PTPRO: variants seen among roughly 807,000 people sequenced by gnomAD.
PTPRO encodes protein tyrosine phosphatase receptor type O.
Under a neutral mutation model 145.2 loss-of-function variants are expected in PTPRO, and 62 were observed. The ratio of observed to expected loss-of-function variants is 0.43; its 90% CI spans 0.35 to 0.53. The LOEUF is 0.53. Among genes scored for constraint, PTPRO ranks in the 20% least tolerant of loss-of-function variants. PTPRO has a pLI of 0.01. For missense variants in PTPRO, 1,345 were observed against 1,482.7 expected, an observed-to-expected ratio of 0.91 and a Z score of 1.53; for synonymous variants, 565 against 514.7, an observed-to-expected ratio of 1.10 and a Z score of -1.32.
At chr12:15,413,351 G>C (rs1278889843) in intron 1 of PTPRO, among the ~76,000 whole-genome samples, 1 of 152,122 alleles carries the variant, frequency 6.6e-6, no homozygotes. Flanking sequence ...ACCCACCTGG[G>C]TTTCTCAAAG....
chr12:15,409,894 G>T (rs918644742), intron 1 of PTPRO, among the ~76,000 whole-genome samples: 1 of 152,182 alleles, frequency 6.6e-6, no homozygotes, highest in Non-Finnish European at 1.5e-5. Context: ...CAGCATTGGG[G>T]ATTACATTTC....
At chr12:15,402,886 T>A (rs918296205) in intron 1 of PTPRO, among the ~76,000 whole-genome samples, 2 of 152,046 alleles carry the variant, frequency 1.3e-5, no homozygotes, top group Non-Finnish European at 2.9e-5. Context: ...TACATAAAAC[T>A]AAAAAGAACC....
chr12:15,591,521 C>T (rs1394386444), intron 25 of PTPRO, among the ~76,000 whole-genome samples: 1 of 152,138 alleles, frequency 6.6e-6, no homozygotes, highest in Non-Finnish European at 1.5e-5. Context: ...ATCAAGCAGC[C>T]ACCATGTCGC....
rs561963892 is a variant in PTPRO at position 15,499,573 on chromosome 12, G to A, written c.640G>A (p.Glu214Lys). Residue 214 changes from glutamate (E) to lysine (K), a missense_variant, in exon 4 of 27, where the codon GAA becomes AAA. Glu to Lys is a moderately conservative substitution (Grantham distance 56). Transcript: ENST00000281171. ...TLVEYSGVSH[E>K]PKQHRTAPYP... ...TGTTGAGTACAGTGGTGTCAGTCACGAACCCAAACAGCACAGAACTGGTAA... is the reference window on the plus strand; with the variant it reads ...TGTTGAGTACAGTGGTGTCAGTCACAAACCCAAACAGCACAGAACTGGTAA... The A allele has an allele frequency of 6.4e-5, 103 of 1,613,582 alleles. No homozygotes were observed. Among genetic ancestry groups the A allele is most frequent in the African/African-American group, 6.7e-5 (5 of 74,870 alleles).
At chr12:15,500,815 G>A (rs953119774) in intron 4 of PTPRO, among the ~76,000 whole-genome samples, 6 of 152,116 alleles carry the variant, frequency 3.9e-5, no homozygotes, top group African/African-American at 7.2e-5. Flanking sequence ...CCAGCTACTC[G>A]GGAGACTGAG....
chr12:15,383,773 G>A (rs1938936814), intron 1 of PTPRO, among the ~76,000 whole-genome samples: 1 of 152,158 alleles, frequency 6.6e-6, no homozygotes, highest in Non-Finnish European at 1.5e-5. Flanking sequence ...AAAGAGTTAA[G>A]GTTTGCTGGT....
chr12:15,360,832 A>G, intron 1 of PTPRO, among the ~76,000 whole-genome samples: 1 of 143,242 alleles, frequency 7.0e-6, no homozygotes, highest in Non-Finnish European at 1.5e-5. Flanking sequence ...GTGTGTGTAT[A>G]TATATACGTG....
At chr12:15,467,282 C>A (rs1434023079) in intron 1 of PTPRO, among the ~76,000 whole-genome samples, 1 of 152,110 alleles carries the variant, frequency 6.6e-6, no homozygotes, top group African/African-American at 2.4e-5. Flanking sequence ...TACTTGGCAT[C>A]TGCACTTGGA....
At chr12:15,419,775 A>G (rs1183597024) in intron 1 of PTPRO, among the ~76,000 whole-genome samples, 1 of 151,402 alleles carries the variant, frequency 6.6e-6, no homozygotes, top group African/African-American at 2.5e-5. Context: ...ATCCAACATT[A>G]GACAGAATTT....
intron 1 of PTPRO, among the ~76,000 whole-genome samples, chr12:15,434,836 T>A (rs978091527): frequency 6.6e-6 from 1 of 152,232 alleles, no homozygotes; most frequent in African/African-American, 2.4e-5. Flanking sequence ...TGGAACAACC[T>A]AAATATGCAA....
chr12:15,340,735 G>C (rs975080084), intron 1 of PTPRO, among the ~76,000 whole-genome samples: 3 of 152,140 alleles, frequency 2.0e-5, no homozygotes, highest in Non-Finnish European at 2.9e-5. Flanking sequence ...CACCATGGCA[G>C]ACTTATGCCC....
chr12:15,544,560 A>T (rs1279333787), intron 12 of PTPRO, among the ~76,000 whole-genome samples: 1 of 151,798 alleles, frequency 6.6e-6, no homozygotes, highest in Non-Finnish European at 1.5e-5. Flanking sequence ...TTTTTAAAAG[A>T]TATGCTCTCT....
At chr12:15,432,932 C>T (rs1370587028) in intron 1 of PTPRO, among the ~76,000 whole-genome samples, 3 of 152,082 alleles carry the variant, frequency 2.0e-5, no homozygotes, top group African/African-American at 7.2e-5. Flanking sequence ...CAAAATTTTC[C>T]TCCCATTCTG....
rs571747427 is a variant in PTPRO, at chr12:15,415,851, A to C, written c.76-68123A>C. Among the ~76,000 whole-genome samples the C allele has an allele frequency of 5.3e-5, 8 of 151,930 alleles. No individual in the cohort carries two copies. The South Asian group carries it at 1.7e-3, about 31-fold the overall frequency. ...AACTATTAAAAGGATGTCAGGAAGA[A>C]GAGAGCAAACATGTCCTTTTTGCTA... On this transcript the variant is annotated intron_variant, in intron 1 of 26. Transcript: ENST00000281171.
chr12:15,428,992 A>T (rs1347113106), intron 1 of PTPRO, among the ~76,000 whole-genome samples: 1 of 152,204 alleles, frequency 6.6e-6, no homozygotes, highest in Admixed American at 6.5e-5. Context: ...TACAAGGAAA[A>T]CTAATAAATA....
At chr12:15,534,847 G>C (rs1391959511) in intron 12 of PTPRO, among the ~76,000 whole-genome samples, 1 of 152,174 alleles carries the variant, frequency 6.6e-6, no homozygotes, top group Non-Finnish European at 1.5e-5. Context: ...GAAAGTAGGG[G>C]AACTAATTAA....
intron 24 of PTPRO, among the ~76,000 whole-genome samples, chr12:15,588,767 C>T (rs1467371824): frequency 1.3e-5 from 2 of 152,160 alleles, no homozygotes; most frequent in African/African-American, 2.4e-5. Flanking sequence ...TGATGCTGTT[C>T]AAAAGACAGG....
chr12:15,353,713 G>T (rs549816471), intron 1 of PTPRO, among the ~76,000 whole-genome samples: 6 of 152,244 alleles, frequency 3.9e-5, no homozygotes, highest in African/African-American at 1.4e-4. Flanking sequence ...TGGCTATCTG[G>T]TATGTCAACA....
chr12:15,520,143 C>T (rs1942684294), intron 9 of PTPRO, 58 bp from the exon 10 acceptor site: 3 of 1,171,188 alleles, frequency 2.6e-6, no homozygotes, highest in East Asian at 4.7e-5. Flanking sequence ...TAAGTCTACT[C>T]CAAAAATAGT....
Sources: gnomAD v4.1 joint callset for allele counts (sites outside exome capture counted in the v4.1 genomes callset) on GRCh38, gnomAD v4.1.1 for gene constraint, MANE v1.5 for transcripts, NCBI Gene and HGNC (gene_info 2026-07-23, HGNC 2026-07-21) for gene names.